The following SORCS2 variants were observed in gnomAD, a reference collection of about 807,000 sequenced individuals.
The protein encoded by SORCS2 is sortilin related VPS10 domain containing receptor 2, also known as VPS10 domain-containing receptor SorCS2.
In SORCS2, 100 loss-of-function variants were observed where a neutral mutation model predicts 141.6. The ratio of observed to expected loss-of-function variants is 0.71; its 90% CI spans 0.60 to 0.83. SORCS2 has a LOEUF of 0.83. SORCS2 is among the 40% of genes least tolerant of loss of function. The pLI is 0.00. For synonymous variants in SORCS2, 789 were observed against 676.9 expected (o/e 1.17, Z -2.57); for missense variants, 1,646 against 1,560.2 (o/e 1.05, Z -0.93).
chr4:7,725,251 C>T lies in SORCS2; in HGVS notation c.2709C>T (p.Leu903=), dbSNP rs1410205209. Residue 903 remains leucine, a synonymous_variant, in exon 20 of 27, where the codon CTC becomes CTT. Transcript: ENST00000507866. ...TGCTGCTTCCCTTGAACCCTAACCT[C>T]ACCGTCTTCTACTGGTGGATCGGCC... ...TAVLLPLNPN[L]TVFYWWIGHS... is the part of the protein sequence containing the mutation. The T allele has an allele frequency of 6.2e-7, 1 of 1,613,594 alleles. No individual in the cohort carries two copies. The highest frequency in any genetic ancestry group is 8.5e-7 in the Non-Finnish European group (1 of 1,179,648).
At position 7,740,430 on chromosome 4, in the gene SORCS2, G is replaced by A; in HGVS notation, c.*166G>A. ...CTCTGATAAATCCAAGCCCGCCCAGGCCCACGGGGGGCCCACGGGACCCCC... is the reference window on the plus strand; with the variant it reads ...CTCTGATAAATCCAAGCCCGCCCAGACCCACGGGGGGCCCACGGGACCCCC... On this transcript the variant is annotated 3_prime_UTR_variant, in exon 27 of 27. Transcript: ENST00000507866. 1 of 640,634 alleles carries A rather than the reference G, an allele frequency of 1.6e-6. No individual in the cohort carries two copies. The highest frequency in any genetic ancestry group is 1.9e-5 in the South Asian group (1 of 53,644). The allele number at this position is 640,634 out of a possible 1,614,324, so 39.7% of individuals were successfully genotyped here.
chr4:7,374,624 C>T lies in SORCS2; in HGVS notation c.481-21664C>T, dbSNP rs536192643. On this transcript the variant is annotated intron_variant, in intron 1 of 26. Transcript: ENST00000507866. ...GTCCAGGCCTTGCCCCCATCCTTCC[C>T]GAAGCCAAGGTTGCTTTCTCAGTAA... is the stretch of plus-strand genomic sequence containing the variant. 8.2e-4 allele frequency among the ~76,000 whole-genome samples: 125 copies of T among 152,310 alleles called. 1 individual carries two copies. Among genetic ancestry groups the T allele is most frequent in the Non-Finnish European group, 1.4e-3 (96 of 68,034 alleles).
At chr4:7,218,953 G>A (rs1198292073) in intron 1 of SORCS2, among the ~76,000 whole-genome samples, 1 of 152,144 alleles carries the variant, frequency 6.6e-6, no homozygotes, top group Non-Finnish European at 1.5e-5. Context: ...GTGCTCCCGT[G>A]CACTCGGCCA....
intron 1 of SORCS2, among the ~76,000 whole-genome samples, chr4:7,379,314 C>T (rs745781569): frequency 6.6e-6 from 1 of 152,158 alleles, no homozygotes; most frequent in Non-Finnish European, 1.5e-5. Context: ...AGGATCACCA[C>T]TGGGCATCTG....
chr4:7,645,980 A>T (rs1039857612), intron 4 of SORCS2, among the ~76,000 whole-genome samples: 8 of 152,170 alleles, frequency 5.3e-5, no homozygotes, highest in African/African-American at 1.7e-4. Flanking sequence ...AATATTTACT[A>T]CCTGGCCCTT....
At chr4:7,521,324 C>A (rs902157839) in intron 2 of SORCS2, among the ~76,000 whole-genome samples, 1 of 152,154 alleles carries the variant, frequency 6.6e-6, no homozygotes, top group South Asian at 2.1e-4. Context: ...AGGGTCTCCT[C>A]GTCCCTAACA....
intron 2 of SORCS2, among the ~76,000 whole-genome samples, chr4:7,464,952 C>T (rs552068556): frequency 1.2e-3 from 179 of 152,368 alleles, no homozygotes; most frequent in Non-Finnish European, 2.3e-3. Flanking sequence ...GGCGGCTCCT[C>T]GCTGCAGCCT....
intron 1 of SORCS2, among the ~76,000 whole-genome samples, chr4:7,364,115 T>TCAC (rs72444327): frequency 1.8e-3 from 275 of 151,800 alleles, no homozygotes; most frequent in African/African-American, 6.5e-3. Flanking sequence ...ATTGTCACCA[T>TCAC]CACCACCACC....
In SORCS2 at chr4:7,420,432, C is replaced by T. The variant is rs546448170; in HGVS notation, c.548+24077C>T. ...TGGCTGGGCACAGGTCCCAGGAGAG[C>T]TAGCTGAGACTCAGAGAGTGTCCAG... On this transcript the variant is annotated intron_variant, in intron 2 of 26. Coordinates refer to ENST00000507866, the MANE Select transcript of SORCS2 (RefSeq NM_020777.3). Among the ~76,000 whole-genome samples, 13 of 152,308 alleles carry T rather than the reference C, an allele frequency of 8.5e-5. No individual in the cohort carries two copies. In the East Asian group the frequency reaches 2.5e-3, roughly 29 times the overall value.
At position 7,311,807 on chromosome 4, in the gene SORCS2, A is replaced by C. The variant is rs1211081519; in HGVS notation, c.481-84481A>C. 1.4e-4 allele frequency among the ~76,000 whole-genome samples: 22 copies of C among 152,144 alleles called. 1 individual carries two copies. Among genetic ancestry groups the C allele is most frequent in the Admixed American group, 1.4e-3 (22 of 15,278 alleles). ...GCAGGATATGCGTCCTTTATCATGT[A>C]TGTGATTTGCAAATATTTTCTCCCA... On this transcript the variant is annotated intron_variant, in intron 1 of 26. Coordinates refer to ENST00000507866, the MANE Select transcript of SORCS2 (RefSeq NM_020777.3).
chr4:7,566,238 TTAATGG>T (rs1715000349), intron 3 of SORCS2, among the ~76,000 whole-genome samples: 1 of 148,820 alleles, frequency 6.7e-6, no homozygotes, highest in African/African-American at 2.5e-5. Context: ...TGATAATGTG[TTAATGG>T]TGATGGTGAT....
intron 2 of SORCS2, among the ~76,000 whole-genome samples, chr4:7,451,806 T>A (rs747395672): frequency 6.6e-6 from 1 of 152,200 alleles, no homozygotes; most frequent in African/African-American, 2.4e-5. Context: ...AGGGCCAGAC[T>A]GAAGCGGGGA....
At chr4:7,317,253 C>T (rs1718620662) in intron 1 of SORCS2, among the ~76,000 whole-genome samples, 1 of 152,122 alleles carries the variant, frequency 6.6e-6, no homozygotes, top group African/African-American at 2.4e-5. Context: ...CTATGGGAAC[C>T]CAGATGAGGC....
intron 2 of SORCS2, among the ~76,000 whole-genome samples, chr4:7,468,805 C>T (rs564340412): frequency 8.5e-5 from 13 of 152,274 alleles, no homozygotes; most frequent in African/African-American, 2.2e-4. Flanking sequence ...CTCTGACATT[C>T]GGGGGTTTGG....
intron 3 of SORCS2, among the ~76,000 whole-genome samples, chr4:7,616,558 AAGGACCC>A (rs1290118885): frequency 6.6e-6 from 1 of 152,148 alleles, no homozygotes; most frequent in African/African-American, 2.4e-5. Context: ...CTCCTCCCGC[AAGGACCC>A]AGACAGACAG....
intron 11 of SORCS2, among the ~76,000 whole-genome samples, chr4:7,695,551 GATGGATGGATGC>G (rs1412436052): frequency 0.061 from 686 of 11,324 alleles, 168 homozygotes; most frequent in Non-Finnish European, 0.11. Context: ...TGGATGGATG[GATGGATGGATGC>G]ATGGATGGAT....
chr4:7,307,391 G>T (rs1717901661), intron 1 of SORCS2, among the ~76,000 whole-genome samples: 1 of 152,236 alleles, frequency 6.6e-6, no homozygotes, highest in Non-Finnish European at 1.5e-5. Context: ...ACAGAGTCCT[G>T]TCCCTTTTCC....
intron 12 of SORCS2, among the ~76,000 whole-genome samples, chr4:7,701,364 G>A (rs1725071406): frequency 6.6e-6 from 1 of 152,184 alleles, no homozygotes; most frequent in African/African-American, 2.4e-5. Context: ...TTTATCCAAG[G>A]TAAAAGTGCT....
chr4:7,340,859 G>A (rs7699103), intron 1 of SORCS2, among the ~76,000 whole-genome samples: 79 of 152,298 alleles, frequency 5.2e-4, no homozygotes, highest in African/African-American at 1.8e-3. Flanking sequence ...ATCAAAGGTC[G>A]GCTTTACTAT....
Sources: allele counts gnomAD v4.1 joint callset (sites outside exome capture counted in the v4.1 genomes callset), GRCh38; gene constraint gnomAD v4.1.1; transcripts MANE v1.5; gene names NCBI Gene and HGNC (gene_info 2026-07-23, HGNC 2026-07-21).